Variants in FOXP1 observed in about 807,000 individuals in gnomAD.
FOXP1 encodes forkhead box protein P1.
FOXP1 carries 15 observed loss-of-function variants against 98.2 expected under a neutral mutation model. The ratio of observed to expected loss-of-function variants is 0.15; its 90% CI spans 0.10 to 0.24. The LOEUF (loss-of-function observed/expected upper bound fraction) is 0.24, where lower values mean the gene tolerates loss of function less well. Among genes scored for constraint, FOXP1 ranks in the 10% least tolerant of loss-of-function variants. FOXP1 has a pLI of 1.00. For synonymous variants in FOXP1, 371 were observed against 314.5 expected (o/e 1.18, Z -1.90); for missense variants, 633 against 848.5 (o/e 0.75, Z 3.15).
intron 6 of FOXP1, among the ~76,000 whole-genome samples, chr3:71,123,277 A>G (rs1226620933): frequency 2.0e-5 from 3 of 152,120 alleles, no homozygotes; most frequent in African/African-American, 4.8e-5. Context: ...CTGTGTTTCT[A>G]CTGTTGTGAT....
At chr3:71,553,331 G>A (rs2045905892) in intron 2 of FOXP1, among the ~76,000 whole-genome samples, 2 of 152,102 alleles carry the variant, frequency 1.3e-5, no homozygotes, top group Admixed American at 1.3e-4. Flanking sequence ...TGCTTGAAAT[G>A]TTTGGCCAAA....
At chr3:71,402,181 G>A (rs575649044) in intron 3 of FOXP1, among the ~76,000 whole-genome samples, 1 of 152,310 alleles carries the variant, frequency 6.6e-6, no homozygotes, top group South Asian at 2.1e-4. Context: ...CAGGCCGGGC[G>A]CGGTGGCTCA....
chr3:71,275,463 C>T (rs1398344900), intron 5 of FOXP1, among the ~76,000 whole-genome samples: 2 of 152,204 alleles, frequency 1.3e-5, no homozygotes, highest in Admixed American at 1.3e-4. Context: ...GTCAACAACC[C>T]TAAGAGCTGG....
chr3:71,583,513 A>G, intron 1 of FOXP1, 58 bp downstream of exon 1: 1 of 982,248 alleles, frequency 1.0e-6, no homozygotes, highest in Non-Finnish European at 1.2e-6. Flanking sequence ...AGTGGCGGAA[A>G]CAAGACAGGA....
At chr3:71,077,648 A>G (rs902793669) in intron 7 of FOXP1, among the ~76,000 whole-genome samples, 14 of 152,146 alleles carry the variant, frequency 9.2e-5, no homozygotes, top group African/African-American at 3.1e-4. Flanking sequence ...TCATTCCATT[A>G]CATATTGAAC....
intron 7 of FOXP1, among the ~76,000 whole-genome samples, chr3:71,103,436 G>C (rs762026297): frequency 3.3e-5 from 5 of 152,036 alleles, no homozygotes; most frequent in Non-Finnish European, 5.9e-5. Flanking sequence ...CAAACTTTTC[G>C]AGCTCATCCT....
At chr3:71,420,987 A>G (rs1279438944) in intron 3 of FOXP1, among the ~76,000 whole-genome samples, 4 of 151,928 alleles carry the variant, frequency 2.6e-5, no homozygotes, top group Non-Finnish European at 5.9e-5. Context: ...ATCACGGACT[A>G]CAAGTTTTTT....
chr3:71,077,108 T>A (rs1209811919), intron 7 of FOXP1, among the ~76,000 whole-genome samples: 2 of 152,236 alleles, frequency 1.3e-5, no homozygotes, highest in African/African-American at 4.8e-5. Context: ...AGAACAAAGC[T>A]TGAAGAGAGC....
At chr3:71,522,927 A>G (rs2043102386) in intron 2 of FOXP1, among the ~76,000 whole-genome samples, 1 of 152,194 alleles carries the variant, frequency 6.6e-6, no homozygotes, top group Admixed American at 6.5e-5. Flanking sequence ...GTACTTACAC[A>G]TTTAACTTTC....
At chr3:71,053,054 C>A (rs1217580984) in intron 8 of FOXP1, among the ~76,000 whole-genome samples, 2 of 152,170 alleles carry the variant, frequency 1.3e-5, no homozygotes, top group South Asian at 2.1e-4. Context: ...AGGCCAGTGA[C>A]TCCCAACGCT....
chr3:71,407,196 A>G (rs1489484161), intron 3 of FOXP1, among the ~76,000 whole-genome samples: 1 of 152,122 alleles, frequency 6.6e-6, no homozygotes, highest in Non-Finnish European at 1.5e-5. Flanking sequence ...CTTGAAAGTA[A>G]TATGTCCTCT....
chr3:71,031,590 T>A (rs530791539), intron 11 of FOXP1, among the ~76,000 whole-genome samples: 15 of 152,346 alleles, frequency 9.8e-5, no homozygotes, highest in Non-Finnish European at 1.9e-4. Flanking sequence ...AGCCAATGTT[T>A]TACTCTCAGA....
At chr3:71,261,644 G>C (rs1348912626) in intron 5 of FOXP1, among the ~76,000 whole-genome samples, 1 of 151,996 alleles carries the variant, frequency 6.6e-6, no homozygotes, top group African/African-American at 2.4e-5. Context: ...CTGTGTTACT[G>C]AGAAATAATC....
intron 11 of FOXP1, among the ~76,000 whole-genome samples, chr3:71,019,841 C>T (rs902929826): frequency 1.6e-5 from 2 of 125,922 alleles, no homozygotes; most frequent in Non-Finnish European, 3.3e-5. Flanking sequence ...GGTCCCCCCC[C>T]CAAAAAAAAC....
intron 3 of FOXP1, among the ~76,000 whole-genome samples, chr3:71,412,982 G>GC (rs1012812082): frequency 6.6e-6 from 1 of 152,104 alleles, no homozygotes; most frequent in African/African-American, 2.4e-5. Flanking sequence ...TTCAGTAGGT[G>GC]CTTTGTCTTC....
Position 71,195,217 on chromosome 3 carries a change from C to T in FOXP1, c.180+2985G>A, listed in dbSNP as rs1453596492. Among the ~76,000 whole-genome samples the T allele has an allele frequency of 8.5e-5, 13 of 152,264 alleles. No individual in the cohort carries two copies. The South Asian group carries it at 1.0e-3, about 12-fold the overall frequency. On this transcript the variant is annotated intron_variant, in intron 6 of 20. Coordinates refer to ENST00000649528, the MANE Select transcript of FOXP1 (RefSeq NM_001349338.3). ...TTTAGAAATGACAATACCATTTGAA[C>T]GCAATTAAGCCAACCTATAAACAAA...
chr3:71,566,214 T>A (rs1288878808), intron 2 of FOXP1, among the ~76,000 whole-genome samples: 1 of 152,218 alleles, frequency 6.6e-6, no homozygotes, highest in African/African-American at 2.4e-5. Context: ...TTGGCAAATG[T>A]GAGGTCCCTC....
At chr3:71,470,617 T>C (rs962330712) in intron 3 of FOXP1, among the ~76,000 whole-genome samples, 1 of 152,094 alleles carries the variant, frequency 6.6e-6, no homozygotes, top group Non-Finnish European at 1.5e-5. Flanking sequence ...TGCGCTCCTG[T>C]AGTCCCAGCT....
chr3:71,316,819 A>G (rs1399388722), intron 4 of FOXP1, among the ~76,000 whole-genome samples: 1 of 151,900 alleles, frequency 6.6e-6, no homozygotes, highest in Admixed American at 6.6e-5. Context: ...CACCATGCCC[A>G]GCTAATTTTT....
Sources: gnomAD v4.1 joint callset for allele counts (sites outside exome capture counted in the v4.1 genomes callset) on GRCh38, gnomAD v4.1.1 for gene constraint, MANE v1.5 for transcripts, NCBI Gene and HGNC (gene_info 2026-07-23, HGNC 2026-07-21) for gene names.